The following TTLL11 variants were observed in gnomAD, a reference collection of about 807,000 sequenced individuals.
The protein encoded by TTLL11 is tubulin tyrosine ligase like 11, also known as tubulin polyglutamylase TTLL11.
TTLL11 carries 42 observed loss-of-function variants against 51.7 expected under a neutral mutation model. The observed-to-expected ratio is 0.81, with a 90% CI of 0.64 to 1.05. The LOEUF (loss-of-function observed/expected upper bound fraction) is 1.05, where lower values mean the gene tolerates loss of function less well. Among genes scored for constraint, TTLL11 ranks in the 50% least tolerant of loss-of-function variants. TTLL11 has a pLI of 0.00. For synonymous variants in TTLL11, 381 were observed against 383.5 expected (o/e 0.99, Z 0.08); for missense variants, 799 against 940.4 (o/e 0.85, Z 1.97).
intron 3 of TTLL11, among the ~76,000 whole-genome samples, chr9:122,005,886 C>T (rs1283795251): frequency 1.3e-5 from 2 of 152,170 alleles, no homozygotes; most frequent in Non-Finnish European, 2.9e-5. Flanking sequence ...GAGTGCCACA[C>T]AGACAGCCAT....
At chr9:122,051,182 A>G (rs1158420075) in intron 1 of TTLL11, among the ~76,000 whole-genome samples, 1 of 152,222 alleles carries the variant, frequency 6.6e-6, no homozygotes, top group Non-Finnish European at 1.5e-5. Flanking sequence ...CAGGTATCTT[A>G]CATAAATGCC....
At chr9:121,887,705 G>A (rs893667844) in intron 6 of TTLL11, among the ~76,000 whole-genome samples, 3 of 152,244 alleles carry the variant, frequency 2.0e-5, no homozygotes, top group South Asian at 2.1e-4. Context: ...TCCCACAGGC[G>A]AGGGGAAACT....
At chr9:122,012,676 ACG>A (rs1491496972) in intron 3 of TTLL11, among the ~76,000 whole-genome samples, 4 of 144,362 alleles carry the variant, frequency 2.8e-5, no homozygotes, top group African/African-American at 1.1e-4. Flanking sequence ...ACACACACAC[ACG>A]CACACACACA....
At chr9:122,044,752 T>C (rs1015507070) in intron 1 of TTLL11, among the ~76,000 whole-genome samples, 1 of 152,238 alleles carries the variant, frequency 6.6e-6, no homozygotes, top group Non-Finnish European at 1.5e-5. Flanking sequence ...TTAACATCAT[T>C]AATCATTTAA....
intron 1 of TTLL11, among the ~76,000 whole-genome samples, chr9:122,078,160 C>A (rs369401707): frequency 2.0e-5 from 3 of 151,508 alleles, no homozygotes; most frequent in Admixed American, 1.3e-4. Context: ...GGAAAAAGAA[C>A]AACAAAATAA....
chr9:121,943,056 T>C (rs1841545308), intron 6 of TTLL11, among the ~76,000 whole-genome samples: 7 of 152,198 alleles, frequency 4.6e-5, no homozygotes. Context: ...ATAACAATCC[T>C]AATCACACGA....
At chr9:121,991,242 G>A (rs1045446916) in intron 3 of TTLL11, among the ~76,000 whole-genome samples, 2 of 152,224 alleles carry the variant, frequency 1.3e-5, no homozygotes, top group African/African-American at 4.8e-5. Context: ...TCTAAATAAA[G>A]CTTTTGCCAA....
chr9:122,032,647 CAAAA>C (rs1384330202), intron 2 of TTLL11, among the ~76,000 whole-genome samples: 1 of 85,100 alleles, frequency 1.2e-5, no homozygotes. Context: ...GACTCCGTCT[CAAAA>C]AAAAAAAAAA....
intron 6 of TTLL11, among the ~76,000 whole-genome samples, chr9:121,913,308 T>A (rs1252417978): frequency 6.6e-6 from 1 of 152,222 alleles, no homozygotes. Flanking sequence ...TTACTGACGC[T>A]AATTATTTCT....
At chr9:121,949,731 G>A (rs894646316) in intron 6 of TTLL11, among the ~76,000 whole-genome samples, 3 of 151,926 alleles carry the variant, frequency 2.0e-5, no homozygotes, top group African/African-American at 7.3e-5. Flanking sequence ...AGAAAACCTT[G>A]ATTATGAGAA....
chr9:122,004,326 G>C (rs1463891046), intron 3 of TTLL11, among the ~76,000 whole-genome samples: 2 of 151,882 alleles, frequency 1.3e-5, no homozygotes, highest in Admixed American at 1.3e-4. Flanking sequence ...TATGCATTGA[G>C]CATCAGGATG....
In TTLL11 at chr9:121,817,035, GA is replaced by G. The variant is rs1836432630; in HGVS notation, c.*5551del. ...GGAGGACAGCGCTCTCAGCCATGGGGAATGCCAGCTCCCTGCCGGGAGAGCC... is the reference window on the plus strand; with the variant it reads ...GGAGGACAGCGCTCTCAGCCATGGGGATGCCAGCTCCCTGCCGGGAGAGCC... On this transcript the variant is annotated 3_prime_UTR_variant, in exon 9 of 9. Transcript: ENST00000321582. 1 of 152,214 alleles carries G rather than the reference GA, an allele frequency of 6.6e-6. No individual in the cohort carries two copies. The highest frequency in any genetic ancestry group is 2.4e-5 in the African/African-American group (1 of 41,452). The allele number at this position is 152,214 out of a possible 1,614,324, so 9.4% of individuals were successfully genotyped here.
chr9:121,917,444 T>A (rs1403405643), intron 6 of TTLL11, among the ~76,000 whole-genome samples: 1 of 146,136 alleles, frequency 6.8e-6, no homozygotes, highest in East Asian at 2.0e-4. Flanking sequence ...CACTTTAGCC[T>A]GCCTGGGTGA....
chr9:122,065,196 G>C (rs914874981), intron 1 of TTLL11, among the ~76,000 whole-genome samples: 1 of 152,196 alleles, frequency 6.6e-6, no homozygotes, highest in South Asian at 2.1e-4. Context: ...CTAAGTTATG[G>C]CTCCAGGAAA....
intron 1 of TTLL11, among the ~76,000 whole-genome samples, chr9:122,080,460 G>C (rs925525280): frequency 5.3e-5 from 8 of 152,072 alleles, no homozygotes; most frequent in African/African-American, 1.9e-4. Context: ...CAAGCCAGAG[G>C]ATCGTTGAGG....
At chr9:122,064,017 T>C (rs1380899214) in intron 1 of TTLL11, among the ~76,000 whole-genome samples, 2 of 148,266 alleles carry the variant, frequency 1.3e-5, no homozygotes, top group Non-Finnish European at 3.1e-5. Flanking sequence ...GATTTCATAA[T>C]GGATTAGAGA....
intron 6 of TTLL11, among the ~76,000 whole-genome samples, chr9:121,941,161 T>C (rs1841447715): frequency 6.6e-6 from 1 of 152,270 alleles, no homozygotes; most frequent in Non-Finnish European, 1.5e-5. Flanking sequence ...ACCAAAGGCT[T>C]ACTCTTTACC....
intron 3 of TTLL11, among the ~76,000 whole-genome samples, chr9:121,993,467 G>A (rs537830257): frequency 4.6e-5 from 7 of 152,306 alleles, no homozygotes; most frequent in Admixed American, 1.3e-4. Context: ...GGGCTTTGTT[G>A]TAGTCACCTA....
In TTLL11 at chr9:121,822,525, T is replaced by C; in HGVS notation, c.*62A>G. On this transcript the variant is annotated 3_prime_UTR_variant, in exon 9 of 9. Transcript: ENST00000321582. The surrounding 1 kb of genome is among the most constrained non-coding windows in gnomAD (Gnocchi z 5.8). Reference sequence around the variant, plus strand: ...GCCATTCCTCTGCAGGCAGAATGCCTGGGGCGCTCCAGCCCTGAAAGCTGC... The same window carrying C: ...GCCATTCCTCTGCAGGCAGAATGCCCGGGGCGCTCCAGCCCTGAAAGCTGC... The C allele has an allele frequency of 1.4e-6, 2 of 1,392,860 alleles. No homozygotes were observed. Among genetic ancestry groups the C allele is most frequent in the Non-Finnish European group, 1.9e-6 (2 of 1,063,896 alleles). 86.3% of individuals were successfully genotyped at this position (1,392,860 alleles called of 1,614,324 possible).
Sources: gnomAD v4.1 joint callset for allele counts (sites outside exome capture counted in the v4.1 genomes callset) on GRCh38, gnomAD v4.1.1 for gene constraint, Gnocchi (gnomAD v3.1) non-coding constraint, MANE v1.5 for transcripts, NCBI Gene and HGNC (gene_info 2026-07-23, HGNC 2026-07-21) for gene names.